Variants in ELAVL2 observed in about 807,000 individuals in gnomAD.
ELAVL2 encodes ELAV-like protein 2.
In ELAVL2, 4 loss-of-function variants were observed where a neutral mutation model predicts 34.6. The observed-to-expected ratio is 0.12, with a 90% CI of 0.06 to 0.26. ELAVL2 has a LOEUF of 0.26. ELAVL2 is among the 10% of genes least tolerant of loss of function. The pLI is 1.00. For synonymous variants in ELAVL2, 193 were observed against 154.8 expected (o/e 1.25, Z -1.83); for missense variants, 432 against 442.8 (o/e 0.98, Z 0.22).
intron 1 of ELAVL2, among the ~76,000 whole-genome samples, chr9:23,802,354 AG>A (rs1344372123): frequency 6.6e-6 from 1 of 152,222 alleles, no homozygotes; most frequent in Non-Finnish European, 1.5e-5. Flanking sequence ...TTTTAGACAG[AG>A]AAAGCAAGCC....
chr9:23,729,416 C>A lies in ELAVL2; in HGVS notation c.333+1606G>T, dbSNP rs76355073. On this transcript the variant is annotated intron_variant, in intron 3 of 6. Coordinates refer to ENST00000397312, the MANE Select transcript of ELAVL2 (RefSeq NM_004432.5). ...CACACGGTCTGACGGTAACTGAACA[C>A]TGGATGTCTTTTTAAAGAACACTTA... Among the ~76,000 whole-genome samples, 1,514 of 152,210 alleles carry A rather than the reference C, an allele frequency of 9.9e-3. 31 individuals carry two copies. Among genetic ancestry groups the A allele is most frequent in the African/African-American group, 0.035 (1,453 of 41,532 alleles).
rs2033044769 is a variant in ELAVL2 at position 23,691,168 on chromosome 9, A to G, written c.*1389T>C. 6.6e-6 allele frequency: 1 copy of G among 152,566 alleles called. No homozygotes were observed. The highest frequency in any genetic ancestry group is 1.5e-5 in the Non-Finnish European group (1 of 67,998). 9.5% of individuals were successfully genotyped at this position (152,566 alleles called of 1,614,324 possible). On this transcript the variant is annotated 3_prime_UTR_variant, in exon 7 of 7. Transcript: ENST00000397312. ...AGGACAACAAAAGTGATTAAGCAAG[A>G]CCTCAAGTAACAATGTTAATGCCAT...
chr9:23,693,635 A>C (rs2132696952), intron 5 of ELAVL2, 149 bp from the exon 6 acceptor site: 2 of 920,740 alleles, frequency 2.2e-6, no homozygotes, highest in Non-Finnish European at 3.4e-6. Context: ...TTACGTTTTT[A>C]AGCTAATGGG....
intron 3 of ELAVL2, among the ~76,000 whole-genome samples, chr9:23,718,713 T>G (rs1431400869): frequency 1.3e-5 from 2 of 152,226 alleles, no homozygotes; most frequent in Non-Finnish European, 2.9e-5. Flanking sequence ...ATTCAATACA[T>G]AAGGGGATAA....
chr9:23,702,798 T>G (rs1056138482), intron 4 of ELAVL2, among the ~76,000 whole-genome samples: 3 of 151,738 alleles, frequency 2.0e-5, no homozygotes, highest in African/African-American at 7.3e-5. Context: ...TCATTTTTCA[T>G]TTCAGGTAAA....
intron 1 of ELAVL2, among the ~76,000 whole-genome samples, chr9:23,813,212 CA>C (rs1461513721): frequency 2.0e-5 from 3 of 152,082 alleles, no homozygotes; most frequent in Non-Finnish European, 4.4e-5. Flanking sequence ...AGCATTGGTC[CA>C]AACATGACAT....
upstream of ELAVL2, chr9:23,830,209 C>T (rs1411657846): frequency 3.9e-5 from 6 of 152,306 alleles, no homozygotes; most frequent in African/African-American, 4.8e-5. Context: ...ACCCTTGCTC[C>T]CTCCCCCCGT....
chr9:23,701,636 G>A (rs745725395), intron 4 of ELAVL2, 32 bp from the exon 5 acceptor site: 5 of 1,604,818 alleles, frequency 3.1e-6, no homozygotes, highest in Non-Finnish European at 4.3e-6. Flanking sequence ...ATTTGGAAAA[G>A]AGGGAACAGA....
At chr9:23,756,763 C>A (rs569579428) in intron 2 of ELAVL2, among the ~76,000 whole-genome samples, 1 of 152,186 alleles carries the variant, frequency 6.6e-6, no homozygotes, top group Non-Finnish European at 1.5e-5. Flanking sequence ...TCTTCCATAA[C>A]GCCCTAAATC....
intron 1 of ELAVL2, among the ~76,000 whole-genome samples, chr9:23,766,508 C>T (rs1166903486): frequency 6.6e-6 from 1 of 152,044 alleles, no homozygotes; most frequent in Non-Finnish European, 1.5e-5. Context: ...AATTTAACTG[C>T]CTCAGTCCCT....
intron 2 of ELAVL2, chr9:23,735,100 C>A: frequency 4.9e-5 from 1 of 20,482 alleles, no homozygotes; most frequent in African/African-American, 1.5e-4. Flanking sequence ...AAAGCTAAGG[C>A]TCTTCAAAAA....
At chr9:23,833,032 T>A in the ELAVL2 span, among the ~76,000 whole-genome samples, 1 of 152,036 alleles carries the variant, frequency 6.6e-6, no homozygotes, top group Non-Finnish European at 1.5e-5. Flanking sequence ...CAAAAATCCT[T>A]CATATCTAAC....
At chr9:23,728,294 G>A (rs1333583748) in intron 3 of ELAVL2, among the ~76,000 whole-genome samples, 2 of 152,120 alleles carry the variant, frequency 1.3e-5, no homozygotes. Flanking sequence ...AGAAGCTGAA[G>A]GACAGAATTC....
intron 3 of ELAVL2, among the ~76,000 whole-genome samples, chr9:23,716,585 G>A (rs938316145): frequency 6.6e-6 from 1 of 152,048 alleles, no homozygotes; most frequent in African/African-American, 2.4e-5. Flanking sequence ...TCTCTTATAA[G>A]CAATAGACAG....
chr9:23,723,919 T>C (rs2044397326), intron 3 of ELAVL2, among the ~76,000 whole-genome samples: 2 of 152,114 alleles, frequency 1.3e-5, no homozygotes, highest in Admixed American at 6.6e-5. Flanking sequence ...CCTAAACCTA[T>C]ACAAGTTATT....
chr9:23,747,816 T>C (rs1303176679), intron 2 of ELAVL2, among the ~76,000 whole-genome samples: 2 of 152,080 alleles, frequency 1.3e-5, no homozygotes, highest in Non-Finnish European at 2.9e-5. Flanking sequence ...CGTCTGAAAA[T>C]AAATCCAGTC....
chr9:23,820,131 G>A (rs945338364), intron 1 of ELAVL2, among the ~76,000 whole-genome samples: 4 of 152,174 alleles, frequency 2.6e-5, no homozygotes, highest in Admixed American at 2.0e-4. Context: ...AAATTCAAGC[G>A]ACTCTGGCGA....
chr9:23,740,659 T>G (rs1178741971), intron 2 of ELAVL2, among the ~76,000 whole-genome samples: 1 of 151,156 alleles, frequency 6.6e-6, no homozygotes, highest in African/African-American at 2.4e-5. Context: ...AAAAAAAAAA[T>G]GACCTGAAAG....
intron 1 of ELAVL2, among the ~76,000 whole-genome samples, chr9:23,777,980 C>CCGG (rs2058489708): frequency 1.8e-4 from 1 of 5,500 alleles, no homozygotes; most frequent in Non-Finnish European, 3.0e-4. Flanking sequence ...AGCCAGGTGG[C>CCGG]CTACTCTGAA....
Sources: allele counts gnomAD v4.1 joint callset (sites outside exome capture counted in the v4.1 genomes callset), GRCh38; gene constraint gnomAD v4.1.1; transcripts MANE v1.5; gene names NCBI Gene and HGNC (gene_info 2026-07-23, HGNC 2026-07-21).